Variants in MS4A14 observed in about 807,000 individuals in gnomAD.
The protein encoded by MS4A14 is membrane-spanning 4-domains subfamily A member 14.
MS4A14 carries 18 observed loss-of-function variants against 16.7 expected under a neutral mutation model. That is an observed-to-expected ratio of 1.08 (90% confidence interval 0.75 to 1.60). The LOEUF (loss-of-function observed/expected upper bound fraction) is 1.60. Among genes scored for constraint, MS4A14 ranks in the 40% most tolerant of loss-of-function variants. The pLI, the probability that MS4A14 is intolerant of heterozygous loss-of-function variation, is 0.00. For synonymous variants in MS4A14, 305 were observed against 289.4 expected, an observed-to-expected ratio of 1.05 and a Z score of -0.55; for missense variants, 812 against 775.3, an observed-to-expected ratio of 1.05 and a Z score of -0.56.
intron 1 of MS4A14, among the ~76,000 whole-genome samples, chr11:60,397,124 C>T (rs138525693): frequency 1.7e-3 from 265 of 152,270 alleles, no homozygotes; most frequent in African/African-American, 6.1e-3. Flanking sequence ...GAGCTGTATG[C>T]ACAGCCTCCA....
chr11:60,400,989 T>C (rs1055361660), intron 3 of MS4A14, among the ~76,000 whole-genome samples: 1 of 152,172 alleles, frequency 6.6e-6, no homozygotes, highest in Non-Finnish European at 1.5e-5. Context: ...CTATCTCCAA[T>C]ACCAACCGAG....
chr11:60,416,168 A>T lies in MS4A14; in HGVS notation c.1200A>T (p.Ile400=), dbSNP rs1422228434. Reference sequence around the variant, plus strand: ...CCCACGCCATGCCACCTCAAGACATACCTTCCCAAGATATGCTATCCCAAG... The same window carrying T: ...CCCACGCCATGCCACCTCAAGACATTCCTTCCCAAGATATGCTATCCCAAG... ...TPSHAMPPQD[I]PSQDMLSQAL... The change falls in exon 5 of 5, where the codon ATA becomes ATT. Residue 400 remains isoleucine (I), a synonymous_variant. Transcript: ENST00000300187. 1 of 1,613,258 alleles carries T rather than the reference A, an allele frequency of 6.2e-7. No homozygotes were observed. Among genetic ancestry groups the T allele is most frequent in the East Asian group, 2.2e-5 (1 of 44,778 alleles).
At chr11:60,410,831 GTTTTT>G (rs34211432) in intron 4 of MS4A14, among the ~76,000 whole-genome samples, 1 of 151,448 alleles carries the variant, frequency 6.6e-6, no homozygotes, top group African/African-American at 2.4e-5. Flanking sequence ...TATTTTTTGG[GTTTTT>G]TTTTTTGTTT....
chr11:60,401,239 G>A (rs2085708757), intron 3 of MS4A14, among the ~76,000 whole-genome samples: 1 of 152,148 alleles, frequency 6.6e-6, no homozygotes, highest in African/African-American at 2.4e-5. Context: ...TGGGGATGTG[G>A]GCCTCTCTGA....
chr11:60,410,277 T>C (rs1302569525), intron 4 of MS4A14, among the ~76,000 whole-genome samples: 3 of 152,350 alleles, frequency 2.0e-5, no homozygotes, highest in East Asian at 3.9e-4. Context: ...ATAACTGTTA[T>C]AGTCTTGCCT....
Position 60,397,967 on chromosome 11 carries a change from G to A in MS4A14, c.254G>A (p.Trp85Ter), listed in dbSNP as rs1370979975. 6.2e-7 allele frequency: 1 copy of A among 1,613,332 alleles called. No homozygotes were observed. Among genetic ancestry groups the A allele is most frequent in the South Asian group, 1.1e-5 (1 of 91,056 alleles). ...GTTGTCCTCACAGGATATCCATTCT[G>A]GGGAGCACTTATTGTGAGTACTGTC... Reference protein sequence around the residue: ...PLVVLTGYPFWGALIFILTGY... With the variant: ...PLVVLTGYPF Residue 85 changes from tryptophan (W) to a stop codon, truncating the protein, a stop_gained, in exon 2 of 5, where the codon TGG (tryptophan) becomes TAG (stop). Coordinates refer to ENST00000300187, the MANE Select transcript of MS4A14 (RefSeq NM_032597.5). LOFTEE classifies it high-confidence loss of function.
chr11:60,416,436 C>A lies in MS4A14; in HGVS notation c.1468C>A (p.Gln490Lys). Reference protein sequence around the residue: ...RKSSRRHSLNQQTKALQYLRR... With the variant: ...RKSSRRHSLNKQTKALQYLRR... ...ATCCTCAAGACGGCATTCCTTAAAC[C>A]AGCAAACCAAAGCCTTGCAATACTT... The change falls in exon 5 of 5, where the codon CAG becomes AAG. Residue 490 changes from glutamine to lysine, a missense_variant. By Grantham distance (53) the Gln-to-Lys change is moderately conservative (BLOSUM62 1). Transcript: ENST00000300187. 6.2e-7 allele frequency: 1 copy of A among 1,613,880 alleles called. No individual in the cohort carries two copies. The highest frequency in any genetic ancestry group is 8.5e-7 in the Non-Finnish European group (1 of 1,179,918).
rs371634910 is a variant in MS4A14, at chr11:60,396,615, G to C, written c.37G>C (p.Val13Leu). ...STSQDRRATH[V>L]ITIKPNETVL... Reference sequence around the variant, plus strand: ...ATCCCAGGACAGAAGGGCAACTCACGTCATCACTATAAAACCAAACGAAAC... The same window carrying C: ...ATCCCAGGACAGAAGGGCAACTCACCTCATCACTATAAAACCAAACGAAAC... Residue 13 changes from valine to leucine, a missense_variant, in exon 1 of 5, where the codon GTC (valine) becomes CTC (leucine). Val to Leu is a conservative substitution (Grantham distance 32, BLOSUM62 1). Coordinates refer to ENST00000300187, the MANE Select transcript of MS4A14 (RefSeq NM_032597.5). 6.2e-7 allele frequency: 1 copy of C among 1,613,904 alleles called. No homozygotes were observed. Among genetic ancestry groups the C allele is most frequent in the Non-Finnish European group, 8.5e-7 (1 of 1,179,906 alleles).
chr11:60,405,448 C>T (rs2085773574), intron 4 of MS4A14, among the ~76,000 whole-genome samples: 1 of 152,166 alleles, frequency 6.6e-6, no homozygotes, highest in African/African-American at 2.4e-5. Flanking sequence ...CCATAAGGTA[C>T]CATGTTACTT....
chr11:60,414,640 A>G (rs2085912703), intron 4 of MS4A14, among the ~76,000 whole-genome samples: 1 of 151,776 alleles, frequency 6.6e-6, no homozygotes, highest in Admixed American at 6.6e-5. Flanking sequence ...TGTTTAAAAA[A>G]CTCCAATTGC....
chr11:60,407,480 T>C (rs1368825209), intron 4 of MS4A14, among the ~76,000 whole-genome samples: 2 of 152,208 alleles, frequency 1.3e-5, no homozygotes, highest in Non-Finnish European at 2.9e-5. Flanking sequence ...TAACCAGATG[T>C]TTAACTTTAT....
intron 4 of MS4A14, among the ~76,000 whole-genome samples, chr11:60,406,759 T>G (rs188116705): frequency 2.4e-4 from 36 of 152,326 alleles, no homozygotes; most frequent in African/African-American, 8.4e-4. Flanking sequence ...AATCAAGGTA[T>G]AGTGCATTCC....
intron 4 of MS4A14, among the ~76,000 whole-genome samples, chr11:60,406,580 C>A (rs997953924): frequency 1.3e-5 from 2 of 152,168 alleles, no homozygotes; most frequent in African/African-American, 4.8e-5. Context: ...AGGATTCTGA[C>A]CCCTGTGATA....
In MS4A14 at chr11:60,397,987, A is replaced by G. The variant is rs887968095; in HGVS notation, c.267+7A>G. On this transcript the variant is annotated splice_region_variant and intron_variant, in intron 2 of 4. Coordinates refer to ENST00000300187, the MANE Select transcript of MS4A14 (RefSeq NM_032597.5). The stretch of plus-strand genomic sequence containing the variant: ...ATTCTGGGGAGCACTTATTGTGAGT[A>G]CTGTCGATTAGAAGCTTTGGAGAAA... The G allele has an allele frequency of 3.7e-6, 6 of 1,612,580 alleles. No homozygotes were observed. The highest frequency in any genetic ancestry group is 2.7e-5 in the African/African-American group (2 of 74,836).
intron 4 of MS4A14, among the ~76,000 whole-genome samples, chr11:60,414,591 G>A (rs1389156107): frequency 6.6e-6 from 1 of 152,024 alleles, no homozygotes; most frequent in African/African-American, 2.4e-5. Context: ...GAGAACTAAT[G>A]GGAAGCATTG....
At chr11:60,405,817 G>T in intron 4 of MS4A14, 1 of 1,119,658 alleles carries the variant, frequency 8.9e-7, no homozygotes, top group East Asian at 2.7e-5. Context: ...GAGTGTAAGG[G>T]GTTCTCAGCT....
Position 60,403,029 on chromosome 11 carries a change from G to T in MS4A14, c.436G>T (p.Glu146Ter), listed in dbSNP as rs1397613425. The T allele has an allele frequency of 2.2e-5, 36 of 1,613,674 alleles. No individual in the cohort carries two copies. Among genetic ancestry groups the T allele is most frequent in the Non-Finnish European group, 3.0e-5 (35 of 1,179,764 alleles). Residue 146 changes from glutamate (E) to a stop codon, truncating the protein, a stop_gained, in exon 4 of 5, where the codon GAA becomes TAA. Coordinates refer to ENST00000300187, the MANE Select transcript of MS4A14 (RefSeq NM_032597.5). LOFTEE classifies it low-confidence loss of function (END_TRUNC). ...DKYCQMPSFE[E>*]ICVFSRTLFI... The stretch of plus-strand genomic sequence containing the variant: ...GTACTGCCAGATGCCATCCTTTGAA[G>T]AAATATGTGTTTTCAGTAGAACTCT...
intron 4 of MS4A14, chr11:60,404,473 T>A (rs551222280): frequency 2.2e-6 from 1 of 447,494 alleles, no homozygotes; most frequent in East Asian, 7.0e-5. Context: ...GTATGATGAT[T>A]AAGACCCAAA....
In MS4A14 at chr11:60,415,711, T is replaced by C. The variant is rs1267169491; in HGVS notation, c.743T>C (p.Ile248Thr). 5 of 1,613,862 alleles carry C rather than the reference T, an allele frequency of 3.1e-6. No homozygotes were observed. The highest frequency in any genetic ancestry group is 3.3e-5 in the Admixed American group (2 of 59,968). ...TCTCCCAAATTTTCAGAGGAAGAAA[T>C]TGAACCTTTGCCTCCCACACTAGAG... ...LPSPKFSEEE[I>T]EPLPPTLEKK... The change falls in exon 5 of 5, where the codon ATT (isoleucine) becomes ACT (threonine). Residue 248 changes from isoleucine to threonine, a missense_variant. Physicochemically the swap from Ile to Thr is moderately conservative, Grantham distance 89 (BLOSUM62 -1). Coordinates refer to ENST00000300187, the MANE Select transcript of MS4A14 (RefSeq NM_032597.5).
Sources: gnomAD v4.1 joint callset for allele counts (sites outside exome capture counted in the v4.1 genomes callset) on GRCh38, gnomAD v4.1.1 for gene constraint, MANE v1.5 for transcripts, NCBI Gene and HGNC (gene_info 2026-07-23, HGNC 2026-07-21) for gene names.